EML4: variants seen among roughly 807,000 people sequenced by gnomAD.
EML4 encodes echinoderm microtubule-associated protein-like 4.
A neutral mutation model predicts 129.0 loss-of-function variants in EML4; 72 were observed. The ratio of observed to expected loss-of-function variants is 0.56; its 90% CI spans 0.46 to 0.68. The LOEUF is 0.68. Among genes scored for constraint, EML4 ranks in the 30% least tolerant of loss-of-function variants. The pLI, the probability that EML4 is intolerant of heterozygous loss-of-function variation, is 0.00. For synonymous variants in EML4, 532 were observed against 405.0 expected, an observed-to-expected ratio of 1.31 and a Z score of -3.77; for missense variants, 1,363 against 1,190.6, an observed-to-expected ratio of 1.14 and a Z score of -2.13.
At chr2:42,288,559 C>G in intron 11 of EML4, 1 of 241,618 alleles carries the variant, frequency 4.1e-6, no homozygotes, top group Non-Finnish European at 8.0e-6. Flanking sequence ...TTACTATAGT[C>G]CTGAAATGCC....
At chr2:42,266,244 T>C (rs1363519691) in intron 6 of EML4, among the ~76,000 whole-genome samples, 2 of 152,222 alleles carry the variant, frequency 1.3e-5, no homozygotes, top group African/African-American at 2.4e-5. Context: ...TTAGTAGGTC[T>C]TACTTTCTCC....
At chr2:42,310,335 T>TCCCAGGCTGGAGTGCAGAG (rs1668866236) in intron 17 of EML4, among the ~76,000 whole-genome samples, 1 of 145,706 alleles carries the variant, frequency 6.9e-6, no homozygotes, top group Non-Finnish European at 1.5e-5. Flanking sequence ...CTTCCCCTTC[T>TCCCAGGCTGGAGTGCAGAG]CCTTCCCCTT....
At chr2:42,259,021 C>T (rs938538363) in intron 3 of EML4, among the ~76,000 whole-genome samples, 24 of 152,016 alleles carry the variant, frequency 1.6e-4, no homozygotes, top group African/African-American at 5.1e-4. Context: ...CTGAGGCAGG[C>T]GAATCAGCTG....
intron 4 of EML4, 51 bp from the exon 5 acceptor site, chr2:42,263,127 C>T: frequency 6.8e-7 from 1 of 1,470,638 alleles, no homozygotes; most frequent in East Asian, 2.3e-5. Context: ...TTGTCAGTTA[C>T]ATGTCTTTGA....
At position 42,263,250 on chromosome 2, in the gene EML4, G is replaced by T; in HGVS notation, c.585G>T (p.Leu195Phe). 6.2e-7 allele frequency: 1 copy of T among 1,613,430 alleles called. No individual in the cohort carries two copies. Residue 195 changes from leucine to phenylalanine, a missense_variant, in exon 5 of 23, where the codon TTG (leucine) becomes TTT (phenylalanine). Transcript: ENST00000318522. Reference sequence around the variant, plus strand: ...ATTCAGATGATAGCCGTAATAAATTGTCGAAAATACCTTCAACACCCAAAT... The same window carrying T: ...ATTCAGATGATAGCCGTAATAAATTTTCGAAAATACCTTCAACACCCAAAT... ...WENSDDSRNK[L>F]SKIPSTPKLI...
At position 42,303,116 on chromosome 2, in the gene EML4, T is replaced by C. The variant is rs377637033; in HGVS notation, c.1654T>C (p.Tyr552His). The C allele has an allele frequency of 6.2e-7, 1 of 1,613,866 alleles. No homozygotes were observed. Among genetic ancestry groups the C allele is most frequent in the Admixed American group, 1.7e-5 (1 of 59,984 alleles). Residue 552 changes from tyrosine to histidine, a missense_variant, in exon 15 of 23, where the codon TAT becomes CAT. Coordinates refer to ENST00000318522, the MANE Select transcript of EML4 (RefSeq NM_019063.5). Reference sequence around the variant, plus strand: ...CTTTTTTTTCTAGGTTCCTGATCAGTATGGCACAATCAGAGCTGTAGCAGA... The same window carrying C: ...CTTTTTTTTCTAGGTTCCTGATCAGCATGGCACAATCAGAGCTGTAGCAGA... ...PEREIEVPDQ[Y>H]GTIRAVAEGK...
At chr2:42,170,041 A>C in intron 1 of EML4, 1 of 169,800 alleles carries the variant, frequency 5.9e-6, no homozygotes, top group Non-Finnish European at 1.3e-5. Context: ...CCACCTTTCC[A>C]CATACACGCC....
chr2:42,179,832 C>A (rs990537119), intron 1 of EML4, among the ~76,000 whole-genome samples: 1 of 152,062 alleles, frequency 6.6e-6, no homozygotes, highest in African/African-American at 2.4e-5. Context: ...GAACTCTTGA[C>A]CCCAAGTGAT....
At chr2:42,315,661 G>GC in intron 17 of EML4, among the ~76,000 whole-genome samples, 1 of 152,178 alleles carries the variant, frequency 6.6e-6, no homozygotes, top group Admixed American at 6.5e-5. Context: ...ACTGCTTGAG[G>GC]CCAGGAGTTT....
rs904851334 is a variant in EML4, at chr2:42,261,582, C to A, written c.512+288C>A. ...CTAGTCGAAAACCAAACAATATTTT[C>A]TTAACCACATTTTTGAATACTTTTA... On this transcript the variant is annotated intron_variant, in intron 4 of 22. Coordinates refer to ENST00000318522, the MANE Select transcript of EML4 (RefSeq NM_019063.5). 5 of 243,482 alleles carry A rather than the reference C, an allele frequency of 2.1e-5. No homozygotes were observed. In the Admixed American group the frequency reaches 2.1e-4, roughly 10 times the overall value. The allele number at this position is 243,482 out of a possible 1,614,324, so 15.1% of individuals were successfully genotyped here.
intron 1 of EML4, among the ~76,000 whole-genome samples, chr2:42,238,176 G>A (rs1456595595): frequency 6.6e-6 from 1 of 152,156 alleles, no homozygotes; most frequent in African/African-American, 2.4e-5. Flanking sequence ...ATCTCATTAT[G>A]TATATGCAGA....
intron 1 of EML4, among the ~76,000 whole-genome samples, chr2:42,220,864 A>T (rs190950640): frequency 5.4e-4 from 82 of 152,326 alleles, no homozygotes; most frequent in Non-Finnish European, 9.1e-4. Flanking sequence ...TGTTCTGAAT[A>T]TAAAGTCAGA....
At chr2:42,267,905 A>C (rs192002007) in intron 6 of EML4, among the ~76,000 whole-genome samples, 1 of 152,234 alleles carries the variant, frequency 6.6e-6, no homozygotes, top group Admixed American at 6.5e-5. Flanking sequence ...ATGTAGGACT[A>C]TCTATTGTTA....
At chr2:42,259,562 C>G (rs116744396) in intron 3 of EML4, among the ~76,000 whole-genome samples, 1 of 151,978 alleles carries the variant, frequency 6.6e-6, no homozygotes, top group Non-Finnish European at 1.5e-5. Flanking sequence ...TATCTCTGAT[C>G]AAATTCCTTG....
At chr2:42,255,635 C>T (rs1212981622) in intron 2 of EML4, among the ~76,000 whole-genome samples, 1 of 152,044 alleles carries the variant, frequency 6.6e-6, no homozygotes, top group Admixed American at 6.6e-5. Context: ...ATTAATGTAA[C>T]TTATATGTAA....
chr2:42,215,542 T>G (rs1471293289), intron 1 of EML4, among the ~76,000 whole-genome samples: 1 of 151,906 alleles, frequency 6.6e-6, no homozygotes, highest in Non-Finnish European at 1.5e-5. Flanking sequence ...AAAAAATGTT[T>G]AAGAAGCAAA....
intron 1 of EML4, among the ~76,000 whole-genome samples, chr2:42,219,588 G>A (rs1408311487): frequency 6.6e-6 from 1 of 152,122 alleles, no homozygotes; most frequent in Non-Finnish European, 1.5e-5. Context: ...TATGTATGTG[G>A]TTTTGTTTTG....
intron 1 of EML4, among the ~76,000 whole-genome samples, chr2:42,244,094 G>GTTTTTTTTT (rs898798718): frequency 6.7e-5 from 3 of 44,944 alleles, no homozygotes; most frequent in African/African-American, 1.7e-4. Flanking sequence ...TTTTGTTTTT[G>GTTTTTTTTT]TTTTTTGTTT....
At chr2:42,231,355 T>C (rs1181615555) in intron 1 of EML4, among the ~76,000 whole-genome samples, 2 of 152,242 alleles carry the variant, frequency 1.3e-5, no homozygotes, top group African/African-American at 2.4e-5. Flanking sequence ...ACTCCAGTTA[T>C]CAGATATGTC....
Sources: gnomAD v4.1 joint callset for allele counts (sites outside exome capture counted in the v4.1 genomes callset) on GRCh38, gnomAD v4.1.1 for gene constraint, MANE v1.5 for transcripts, NCBI Gene and HGNC (gene_info 2026-07-23, HGNC 2026-07-21) for gene names.